The following CELF4 variants were observed in gnomAD, a reference collection of about 807,000 sequenced individuals.
CELF4 encodes the protein CUGBP Elav-like family member 4, also known as CUG-BP- and ETR-3-like factor 4.
In CELF4, 18 loss-of-function variants were observed where a neutral mutation model predicts 59.9. That is an observed-to-expected ratio of 0.30 (90% CI 0.21 to 0.45). CELF4 has a LOEUF of 0.45. CELF4 is among the 20% of genes least tolerant of loss of function. CELF4 has a pLI of 1.00. For missense variants in CELF4, 456 were observed against 689.0 expected, an observed-to-expected ratio of 0.66 and a Z score of 3.79; for synonymous variants, 261 against 267.1, an observed-to-expected ratio of 0.98 and a Z score of 0.22.
intron 2 of CELF4, among the ~76,000 whole-genome samples, chr18:37,374,845 C>G (rs1195546047): frequency 1.3e-5 from 2 of 152,212 alleles, no homozygotes; most frequent in East Asian, 3.9e-4. Flanking sequence ...TGAGCTGCAG[C>G]CCCATCCTCC....
Position 37,345,795 on chromosome 18 carries a change from C to A in CELF4, c.370-23914G>T, listed in dbSNP as rs114175938. The stretch of plus-strand genomic sequence containing the variant: ...GGACCCCTGATATAGAAAGGCACAG[C>A]CTACCCTGAGGCTGAGGTCTCTCCA... On this transcript the variant is annotated intron_variant, in intron 2 of 12. Coordinates refer to ENST00000420428, the MANE Select transcript of CELF4 (RefSeq NM_020180.4). 2.1e-3 allele frequency among the ~76,000 whole-genome samples: 319 copies of A among 152,148 alleles called. 4 individuals are homozygous for A. The highest frequency in any genetic ancestry group is 7.4e-3 in the African/African-American group (308 of 41,534).
intron 3 of CELF4, among the ~76,000 whole-genome samples, chr18:37,286,800 A>C (rs1052637389): frequency 6.6e-6 from 1 of 151,328 alleles, no homozygotes; most frequent in African/African-American, 2.4e-5. Context: ...ACCTCTAGCG[A>C]CCCTGGGTTG....
chr18:37,433,103 T>G (rs1039928227), intron 2 of CELF4, among the ~76,000 whole-genome samples: 2 of 152,218 alleles, frequency 1.3e-5, no homozygotes, highest in African/African-American at 4.8e-5. Context: ...GGCTAGGATG[T>G]GCCCATGAGT....
rs1487385305 is a variant in CELF4 at position 37,357,269 on chromosome 18, T to C, written c.370-35388A>G. ...AGGAGGATGATATGGTTTGGCTGTGTCCCCACCCTGCATCCTAGCTGCTCC... is the reference window on the plus strand; with the variant it reads ...AGGAGGATGATATGGTTTGGCTGTGCCCCCACCCTGCATCCTAGCTGCTCC... On this transcript the variant is annotated intron_variant, in intron 2 of 12. Transcript: ENST00000420428. Among the ~76,000 whole-genome samples the C allele has an allele frequency of 4.6e-5, 7 of 152,176 alleles. 1 individual carries two copies. The highest frequency in any genetic ancestry group is 1.3e-4 in the Admixed American group (2 of 15,284).
In CELF4 at chr18:37,426,597, C is replaced by T. The variant is rs1327449278; in HGVS notation, c.369+58928G>A. On this transcript the variant is annotated intron_variant, in intron 2 of 12. Transcript: ENST00000420428. Reference sequence around the variant, plus strand: ...GATTGCATTTCCTAAGTGGGGTGGGCGCAGGCGGGGCTGATCGCTTCTGCA... The same window carrying T: ...GATTGCATTTCCTAAGTGGGGTGGGTGCAGGCGGGGCTGATCGCTTCTGCA... Among the ~76,000 whole-genome samples, 5 of 152,216 alleles carry T rather than the reference C, an allele frequency of 3.3e-5. No individual in the cohort carries two copies. The East Asian group carries it at 5.8e-4, about 18-fold the overall frequency.
chr18:37,496,490 C>T (rs1257694349), intron 1 of CELF4, among the ~76,000 whole-genome samples: 2 of 152,188 alleles, frequency 1.3e-5, no homozygotes, highest in East Asian at 1.9e-4. Flanking sequence ...TCCTAACAGG[C>T]TCTAATTCAC....
At chr18:37,315,116 G>A (rs950679361) in intron 3 of CELF4, among the ~76,000 whole-genome samples, 1 of 152,090 alleles carries the variant, frequency 6.6e-6, no homozygotes, top group African/African-American at 2.4e-5. Flanking sequence ...TTCTTGCTGT[G>A]TTCCCTCTGG....
chr18:37,394,919 C>T (rs1169107042), intron 2 of CELF4, among the ~76,000 whole-genome samples: 1 of 151,684 alleles, frequency 6.6e-6, no homozygotes, highest in Admixed American at 6.6e-5. Context: ...CATCACTCCA[C>T]AGCCTTCCTG....
intron 9 of CELF4, among the ~76,000 whole-genome samples, chr18:37,265,297 G>C (rs541547099): frequency 1.3e-5 from 2 of 152,186 alleles, no homozygotes; most frequent in Non-Finnish European, 2.9e-5. Context: ...ATGCACGTGT[G>C]TGTGTGTATG....
At position 37,482,010 on chromosome 18, in the gene CELF4, T is replaced by C. The variant is rs1017929391; in HGVS notation, c.369+3515A>G. ...AGTGCTTGGCATCATGCCTGTCATA[T>C]AGTAAGCACTTAAAAATACTGTGAT... On this transcript the variant is annotated intron_variant, in intron 2 of 12. Transcript: ENST00000420428. Among the ~76,000 whole-genome samples the C allele has an allele frequency of 4.6e-5, 7 of 152,382 alleles. No homozygotes were observed. The South Asian group carries it at 1.0e-3, about 23-fold the overall frequency.
intron 3 of CELF4, among the ~76,000 whole-genome samples, chr18:37,284,196 T>C (rs1161436886): frequency 6.7e-6 from 1 of 150,104 alleles, no homozygotes; most frequent in Admixed American, 6.6e-5. Context: ...AATACATATG[T>C]GCAGATACAC....
chr18:37,435,006 AG>A (rs2099685659), intron 2 of CELF4, among the ~76,000 whole-genome samples: 1 of 152,066 alleles, frequency 6.6e-6, no homozygotes, highest in African/African-American at 2.4e-5. Context: ...AGTCCACAGG[AG>A]GGGGGGATCC....
chr18:37,385,365 A>AAG (rs2154571266), intron 2 of CELF4, among the ~76,000 whole-genome samples: 1 of 151,582 alleles, frequency 6.6e-6, no homozygotes, highest in African/African-American at 2.4e-5. Context: ...AAAAAAAAAA[A>AAG]AAAAAAAGAA....
intron 2 of CELF4, among the ~76,000 whole-genome samples, chr18:37,483,221 C>A (rs1250814000): frequency 6.6e-6 from 1 of 152,198 alleles, no homozygotes; most frequent in Non-Finnish European, 1.5e-5. Context: ...ACCAGGTCTG[C>A]TTTCTGGAAT....
At chr18:37,306,805 G>A (rs1045002024) in intron 3 of CELF4, among the ~76,000 whole-genome samples, 1 of 152,174 alleles carries the variant, frequency 6.6e-6, no homozygotes, top group African/African-American at 2.4e-5. Context: ...CAAAACGTAA[G>A]GAGAGGAGAA....
intron 2 of CELF4, among the ~76,000 whole-genome samples, chr18:37,444,421 G>A (rs1414207863): frequency 1.3e-5 from 2 of 152,084 alleles, no homozygotes; most frequent in Non-Finnish European, 2.9e-5. Flanking sequence ...AGGAGGCAGC[G>A]GGCATCATCT....
intron 8 of CELF4, among the ~76,000 whole-genome samples, chr18:37,268,360 G>T (rs1256310251): frequency 6.6e-6 from 1 of 152,172 alleles, no homozygotes; most frequent in Non-Finnish European, 1.5e-5. Context: ...CCTATCCTCT[G>T]CCAGCCTCTA....
rs187953469 is a variant in CELF4 at position 37,319,629 on chromosome 18, C to T, written c.448+2174G>A. On this transcript the variant is annotated intron_variant, in intron 3 of 12. Coordinates refer to ENST00000420428, the MANE Select transcript of CELF4 (RefSeq NM_020180.4). ...GCCCCAAGGATGAACAGATCACCAG[C>T]GGCCACACCACAGCACCCTCCAGGA... 2.4e-3 allele frequency among the ~76,000 whole-genome samples: 369 copies of T among 152,340 alleles called. 2 individuals carry two copies. The highest frequency in any genetic ancestry group is 0.02 in the Middle Eastern group (6 of 294).
intron 1 of CELF4, among the ~76,000 whole-genome samples, chr18:37,500,530 TC>T (rs2099930399): frequency 9.5e-6 from 1 of 105,088 alleles, no homozygotes; most frequent in Admixed American, 1.6e-4. Flanking sequence ...TCTTTTCTTT[TC>T]TTTTTCTTTT....
Sources: gnomAD v4.1 joint callset for allele counts (sites outside exome capture counted in the v4.1 genomes callset) on GRCh38, gnomAD v4.1.1 for gene constraint, MANE v1.5 for transcripts, NCBI Gene and HGNC (gene_info 2026-07-23, HGNC 2026-07-21) for gene names.